The following VAX2 variants were observed in gnomAD, a reference collection of about 807,000 sequenced individuals.
VAX2 encodes ventral anterior homeobox 2.
VAX2 carries 8 observed loss-of-function variants against 12.5 expected under a neutral mutation model. The ratio of observed to expected loss-of-function variants is 0.64; its 90% CI spans 0.37 to 1.15. The LOEUF is 1.15. Ranked by LOEUF, VAX2 falls within the 50% of genes most tolerant of loss-of-function variation. The pLI, the probability that VAX2 is intolerant of heterozygous loss-of-function variation, is 0.01. For synonymous variants in VAX2, 183 were observed against 187.6 expected, an observed-to-expected ratio of 0.98 and a Z score of 0.20; for missense variants, 476 against 412.9, an observed-to-expected ratio of 1.15 and a Z score of -1.32.
rs927351579 is a variant in VAX2 at position 70,904,229 on chromosome 2, C to T, written c.247+3361C>T. 2.6e-5 allele frequency among the ~76,000 whole-genome samples: 4 copies of T among 152,200 alleles called. No individual in the cohort carries two copies. Among genetic ancestry groups the T allele is most frequent in the Non-Finnish European group, 5.9e-5 (4 of 68,048 alleles). On this transcript the variant is annotated intron_variant, in intron 1 of 2. Coordinates refer to ENST00000234392, the MANE Select transcript of VAX2 (RefSeq NM_012476.3). This position sits in a 1 kb window ranked among gnomAD's most constrained non-coding sequence, Gnocchi z 4.2. ...AATCCTTTTGTTTTATATTGGAAACCTTACGCCAAAGGCAGGCAGGAAGCA... is the reference window on the plus strand; with the variant it reads ...AATCCTTTTGTTTTATATTGGAAACTTTACGCCAAAGGCAGGCAGGAAGCA...
chr2:70,913,998 T>C (rs1275012767), intron 1 of VAX2, among the ~76,000 whole-genome samples: 1 of 152,232 alleles, frequency 6.6e-6, no homozygotes, highest in Non-Finnish European at 1.5e-5. Context: ...TATTTTATAA[T>C]ACAAATGTAC....
In VAX2 at chr2:70,933,389, A is replaced by G; in HGVS notation, c.*185A>G. ...TCCCGCAGCTTGTGTGCGTGAGTGC[A>G]GTGTGAGTGTGTGTGTCTCTCACTG... On this transcript the variant is annotated 3_prime_UTR_variant, in exon 3 of 3. Coordinates refer to ENST00000234392, the MANE Select transcript of VAX2 (RefSeq NM_012476.3). The G allele has an allele frequency of 2.2e-6, 1 of 461,140 alleles. No individual in the cohort carries two copies. Among genetic ancestry groups the G allele is most frequent in the East Asian group, 3.5e-5 (1 of 28,544 alleles). The allele number at this position is 461,140 out of a possible 1,614,324, so 28.6% of individuals were successfully genotyped here. A position where few individuals can be genotyped will look rare whatever the true frequency, so the allele number is the denominator to read the frequency against.
chr2:70,923,971 A>C lies in VAX2; in HGVS notation c.435+2686A>C, dbSNP rs541097128. Among the ~76,000 whole-genome samples, 6 of 152,200 alleles carry C rather than the reference A, an allele frequency of 3.9e-5. No individual in the cohort carries two copies. The East Asian group carries it at 1.2e-3, about 29-fold the overall frequency. On this transcript the variant is annotated intron_variant, in intron 2 of 2. Coordinates refer to ENST00000234392, the MANE Select transcript of VAX2 (RefSeq NM_012476.3). ...GCAGCAGAGGGAGACCTTATCTCTA[A>C]AAAAAGTTTTTTAAAACATTTTTTA...
chr2:70,905,039 C>T (rs1421615946), intron 1 of VAX2, among the ~76,000 whole-genome samples: 3 of 152,160 alleles, frequency 2.0e-5, no homozygotes, highest in African/African-American at 4.8e-5. Context: ...CTCCAGCAGC[C>T]GGGTCCAGGC....
At chr2:70,912,664 A>G (rs1375050012) in intron 1 of VAX2, among the ~76,000 whole-genome samples, 1 of 152,146 alleles carries the variant, frequency 6.6e-6, no homozygotes, top group Non-Finnish European at 1.5e-5. Flanking sequence ...TCCGTTTCAA[A>G]AAAAAGTCAG....
intron 1 of VAX2, among the ~76,000 whole-genome samples, chr2:70,918,879 AAAAG>A (rs1336808958): frequency 1.3e-5 from 2 of 150,452 alleles, no homozygotes; most frequent in African/African-American, 2.5e-5. Context: ...AAAAAAAAAA[AAAAG>A]AATTACCAAC....
At chr2:70,927,683 G>C (rs1679604097) in intron 2 of VAX2, among the ~76,000 whole-genome samples, 1 of 152,160 alleles carries the variant, frequency 6.6e-6, no homozygotes, top group African/African-American at 2.4e-5. Flanking sequence ...TTCCTCTGTA[G>C]TCCTGGCAGC....
At chr2:70,918,483 C>T (rs1318380610) in intron 1 of VAX2, among the ~76,000 whole-genome samples, 1 of 152,200 alleles carries the variant, frequency 6.6e-6, no homozygotes, top group African/African-American at 2.4e-5. Flanking sequence ...GACAGCACAT[C>T]CCGAATACAG....
At chr2:70,920,450 A>G (rs1211707394) in intron 1 of VAX2, among the ~76,000 whole-genome samples, 1 of 152,134 alleles carries the variant, frequency 6.6e-6, no homozygotes, top group East Asian at 1.9e-4. Context: ...GACTAGGCAC[A>G]TGGGGAGTGG....
chr2:70,916,220 C>T (rs918124121), intron 1 of VAX2, among the ~76,000 whole-genome samples: 1 of 152,106 alleles, frequency 6.6e-6, no homozygotes, highest in Non-Finnish European at 1.5e-5. Context: ...ATTATAGACT[C>T]GCAAGGAGTT....
chr2:70,927,427 T>C (rs1553413698), intron 2 of VAX2, among the ~76,000 whole-genome samples: 1 of 151,526 alleles, frequency 6.6e-6, no homozygotes, highest in East Asian at 1.9e-4. Flanking sequence ...CTCAGCCTCA[T>C]GCTTGATGCC....
intron 1 of VAX2, among the ~76,000 whole-genome samples, chr2:70,915,977 C>G (rs868992364): frequency 6.6e-6 from 1 of 152,160 alleles, no homozygotes; most frequent in South Asian, 2.1e-4. Flanking sequence ...TAGCCTCACC[C>G]TAAGCCTATA....
At chr2:70,922,616 A>G (rs1679483036) in intron 2 of VAX2, among the ~76,000 whole-genome samples, 1 of 148,940 alleles carries the variant, frequency 6.7e-6, no homozygotes, top group South Asian at 2.1e-4. Flanking sequence ...GGAAGAGGTG[A>G]GAAGGGGTGA....
In VAX2 at chr2:70,933,044, C is replaced by G. The variant is rs555134830; in HGVS notation, c.713C>G (p.Ser238Cys). ...AACCCGCTGTCCTCGGCCTCAGCGTCCCCCCCACTGCCGCCCCCTCTGCCA... is the reference window on the plus strand; with the variant it reads ...AACCCGCTGTCCTCGGCCTCAGCGTGCCCCCCACTGCCGCCCCCTCTGCCA... Reference protein sequence around the residue: ...RLNPLSSASASPPLPPPLPAV... With the variant: ...RLNPLSSASACPPLPPPLPAV... The change falls in exon 3 of 3, where the codon TCC becomes TGC. Residue 238 changes from serine (S) to cysteine (C), a missense_variant. By Grantham distance (112) the Ser-to-Cys change is moderately radical. Transcript: ENST00000234392. 3.9e-5 allele frequency: 62 copies of G among 1,594,206 alleles called. No homozygotes were observed. In the East Asian group the frequency reaches 1.2e-3, roughly 31 times the overall value.
chr2:70,932,902 C>T lies in VAX2; in HGVS notation c.571C>T (p.Leu191=), dbSNP rs781944402. The change falls in exon 3 of 3, where the codon CTG becomes TTG. Residue 191 remains leucine, a synonymous_variant. Coordinates refer to ENST00000234392, the MANE Select transcript of VAX2 (RefSeq NM_012476.3). ...TCTGCGGCTGCTGGAGCAGGGCCGGCTGCTCTCTGTGCCCAGGGCCCCTAG... is the reference window on the plus strand; with the variant it reads ...TCTGCGGCTGCTGGAGCAGGGCCGGTTGCTCTCTGTGCCCAGGGCCCCTAG... The part of the protein sequence containing the change: ...NILRLLEQGR[L]LSVPRAPSLL... 6.2e-6 allele frequency: 10 copies of T among 1,613,336 alleles called. No individual in the cohort carries two copies. In the East Asian group the frequency reaches 2.0e-4, roughly 32 times the overall value.
Position 70,900,811 on chromosome 2 carries a change from A to G in VAX2, c.190A>G (p.Ser64Gly). ...PAGSRESGAD[S>G]DGQPGPGEAD... is the part of the protein sequence containing the mutation. ...AGGCTCCAGGGAGAGTGGAGCCGAC[A>G]GCGACGGGCAGCCCGGGCCCGGCGA... Residue 64 changes from serine (S) to glycine (G), a missense_variant, in exon 1 of 3, where the codon AGC becomes GGC. Ser to Gly is a moderately conservative substitution (Grantham distance 56). Coordinates refer to ENST00000234392, the MANE Select transcript of VAX2 (RefSeq NM_012476.3). 2.0e-6 allele frequency: 3 copies of G among 1,489,154 alleles called. No individual in the cohort carries two copies. Among genetic ancestry groups the G allele is most frequent in the Non-Finnish European group, 2.7e-6 (3 of 1,119,620 alleles). 92.2% of individuals were successfully genotyped at this position (1,489,154 alleles called of 1,614,324 possible).
At position 70,904,045 on chromosome 2, in the gene VAX2, G is replaced by A. The variant is rs1469760044; in HGVS notation, c.247+3177G>A. Among the ~76,000 whole-genome samples the A allele has an allele frequency of 1.3e-5, 2 of 152,166 alleles. No individual in the cohort carries two copies. Among genetic ancestry groups the A allele is most frequent in the African/African-American group, 2.4e-5 (1 of 41,426 alleles). On this transcript the variant is annotated intron_variant, in intron 1 of 2. Transcript: ENST00000234392. The surrounding 1 kb of genome is among the most constrained non-coding windows in gnomAD (Gnocchi z 4.2). ...ACTCCTACATGTCACACATGGGCAC[G>A]GACCAGAGCTGCTGAGATGATAGGC...
intron 2 of VAX2, among the ~76,000 whole-genome samples, chr2:70,923,393 T>C (rs577024055): frequency 1.3e-5 from 2 of 152,292 alleles, no homozygotes; most frequent in South Asian, 2.1e-4. Context: ...ACCAGGTGTA[T>C]GGTATGTTCC....
intron 2 of VAX2, among the ~76,000 whole-genome samples, chr2:70,923,663 CT>C (rs1209193941): frequency 6.6e-6 from 1 of 152,232 alleles, no homozygotes; most frequent in Non-Finnish European, 1.5e-5. Flanking sequence ...AACACCTCCC[CT>C]ACACTTGCTG....
Sources: gnomAD v4.1 joint callset for allele counts (sites outside exome capture counted in the v4.1 genomes callset) on GRCh38, gnomAD v4.1.1 for gene constraint, Gnocchi (gnomAD v3.1) non-coding constraint, MANE v1.5 for transcripts, NCBI Gene and HGNC (gene_info 2026-07-23, HGNC 2026-07-21) for gene names.